The following PSMA5 variants were observed in gnomAD, a reference collection of about 807,000 sequenced individuals.
PSMA5 encodes the protein proteasome subunit alpha type-5.
In PSMA5, 3 loss-of-function variants were observed where a neutral mutation model predicts 34.5. The ratio of observed to expected loss-of-function variants is 0.09; its 90% CI spans 0.04 to 0.22. The LOEUF is 0.22. Ranked by LOEUF, PSMA5 falls within the 10% of genes least tolerant of loss-of-function variation. PSMA5 has a pLI of 1.00. For synonymous variants in PSMA5, 88 were observed against 95.8 expected (o/e 0.92, Z 0.47); for missense variants, 120 against 286.1 (o/e 0.42, Z 4.19).
chr1:109,407,013 C>G (rs1159850907), intron 8 of PSMA5, among the ~76,000 whole-genome samples: 2 of 152,128 alleles, frequency 1.3e-5, no homozygotes, highest in East Asian at 3.9e-4. Context: ...GAGACAGTCT[C>G]GCTCTGTCGC....
chr1:109,402,183 T>G (rs529506429), intron 8 of PSMA5, 93 bp from the exon 9 acceptor site: 1 of 878,846 alleles, frequency 1.1e-6, no homozygotes, highest in Non-Finnish European at 1.8e-6. Context: ...GTGATGCAGC[T>G]ATTCATTAGG....
intron 2 of PSMA5, among the ~76,000 whole-genome samples, chr1:109,417,181 GC>G (rs1654242313): frequency 6.6e-6 from 1 of 152,136 alleles, no homozygotes; most frequent in South Asian, 2.1e-4. Flanking sequence ...TTAGTTCCAC[GC>G]CTTCCTTAAG....
At chr1:109,409,164 A>G (rs1419080029) in intron 8 of PSMA5, among the ~76,000 whole-genome samples, 2 of 151,464 alleles carry the variant, frequency 1.3e-5, no homozygotes, top group Non-Finnish European at 2.9e-5. Context: ...CATTCTTTTT[A>G]TTTTATTTTT....
chr1:109,411,159 C>G, intron 6 of PSMA5, 46 bp from the exon 7 acceptor site: 1 of 1,380,286 alleles, frequency 7.2e-7, no homozygotes. Context: ...GGAGTGGTGG[C>G]ACTTTATGTA....
rs1654658980 is a variant in PSMA5 at position 109,426,332 on chromosome 1, G to A, written c.-2C>T. On this transcript the variant is annotated 5_prime_UTR_variant, in exon 1 of 9. Coordinates refer to ENST00000271308, the MANE Select transcript of PSMA5 (RefSeq NM_002790.4). The stretch of plus-strand genomic sequence containing the variant: ...GTACTCAGACCGGGTAAGAAACATG[G>A]CGAGGGTAGGAGGAGGCAGCGGCTA... 32 of 1,614,026 alleles carry A rather than the reference G, an allele frequency of 2.0e-5. No individual in the cohort carries two copies. The highest frequency in any genetic ancestry group is 2.6e-5 in the Non-Finnish European group (31 of 1,180,028).
chr1:109,416,774 T>C (rs1654218079), intron 2 of PSMA5, among the ~76,000 whole-genome samples: 1 of 152,224 alleles, frequency 6.6e-6, no homozygotes, highest in Non-Finnish European at 1.5e-5. Flanking sequence ...CCTGCATAAC[T>C]ACAGGAGATG....
At chr1:109,403,994 A>G (rs768719742) in intron 8 of PSMA5, among the ~76,000 whole-genome samples, 31 of 152,236 alleles carry the variant, frequency 2.0e-4, no homozygotes, top group Non-Finnish European at 2.9e-4. Context: ...CATGAGTTCC[A>G]TTCCAAGGAT....
intron 8 of PSMA5, among the ~76,000 whole-genome samples, chr1:109,403,251 G>A (rs1201848267): frequency 6.6e-6 from 1 of 152,130 alleles, no homozygotes; most frequent in Non-Finnish European, 1.5e-5. Context: ...TGAGCAATAG[G>A]TGCCACTTCA....
In PSMA5 at chr1:109,415,106, T is replaced by C. The variant is rs531288336; in HGVS notation, c.223+131A>G. On this transcript the variant is annotated intron_variant, in intron 3 of 8. Coordinates refer to ENST00000271308, the MANE Select transcript of PSMA5 (RefSeq NM_002790.4). ...CTCCTACTCCTACATTTACGCATTCTGGCCTACTGCCTGGAAAATAATAGC... is the reference window on the plus strand; with the variant it reads ...CTCCTACTCCTACATTTACGCATTCCGGCCTACTGCCTGGAAAATAATAGC... 47 of 1,139,538 alleles carry C rather than the reference T, an allele frequency of 4.1e-5. No individual in the cohort carries two copies. In the African/African-American group the frequency reaches 6.3e-4, roughly 15 times the overall value. The allele number at this position is 1,139,538 out of a possible 1,614,324, so 70.6% of individuals were successfully genotyped here. A position where few individuals can be genotyped will look rare whatever the true frequency, so the allele number is the denominator to read the frequency against.
chr1:109,419,112 C>T (rs954633593), intron 2 of PSMA5, among the ~76,000 whole-genome samples: 13 of 152,122 alleles, frequency 8.5e-5, no homozygotes, highest in African/African-American at 3.1e-4. Flanking sequence ...GAGATCACGC[C>T]ATTGCACTCC....
intron 1 of PSMA5, among the ~76,000 whole-genome samples, chr1:109,423,164 C>T (rs983719157): frequency 9.2e-5 from 14 of 152,202 alleles, no homozygotes; most frequent in Admixed American, 7.9e-4. Flanking sequence ...TTTGGCCTGG[C>T]GTGGTGGCTC....
At chr1:109,421,214 T>C (rs1400663816) in intron 2 of PSMA5, among the ~76,000 whole-genome samples, 1 of 151,908 alleles carries the variant, frequency 6.6e-6, no homozygotes, top group Non-Finnish European at 1.5e-5. Context: ...AAATCTCTTA[T>C]TTAGTCCCTA....
chr1:109,423,464 C>A (rs1654527761), intron 1 of PSMA5, among the ~76,000 whole-genome samples: 1 of 152,208 alleles, frequency 6.6e-6, no homozygotes, highest in South Asian at 2.1e-4. Context: ...CCAGTTTCAC[C>A]TCTTTCCTAA....
chr1:109,412,454 T>G, intron 4 of PSMA5: 1 of 347,302 alleles, frequency 2.9e-6, no homozygotes, highest in Non-Finnish European at 5.3e-6. Flanking sequence ...CCAAGTTTAC[T>G]CTTTCAAAAA....
At chr1:109,417,923 C>T (rs1342488159) in intron 2 of PSMA5, among the ~76,000 whole-genome samples, 9 of 152,130 alleles carry the variant, frequency 5.9e-5, no homozygotes, top group African/African-American at 1.9e-4. Context: ...TGCTCTGTTT[C>T]ACTTAAAAAA....
In PSMA5 at chr1:109,400,347, T is replaced by C. The variant is rs1653460978; in HGVS notation, c.*1666A>G. 6.6e-6 allele frequency: 1 copy of C among 152,232 alleles called. No homozygotes were observed. Among genetic ancestry groups the C allele is most frequent in the African/African-American group, 2.4e-5 (1 of 41,454 alleles). The allele number at this position is 152,232 out of a possible 1,614,324, so 9.4% of individuals were successfully genotyped here. A position where few individuals can be genotyped will look rare whatever the true frequency, so the allele number is the denominator to read the frequency against. The stretch of plus-strand genomic sequence containing the variant: ...TTGTTTATTGTTTGGCTCTCCCCAC[T>C]AGAAGTTTCACAGGAGCACAGATCA... On this transcript the variant is annotated 3_prime_UTR_variant, in exon 9 of 9. Transcript: ENST00000271308.
chr1:109,402,558 T>C (rs151227629), intron 8 of PSMA5, among the ~76,000 whole-genome samples: 1 of 152,380 alleles, frequency 6.6e-6, no homozygotes, highest in East Asian at 1.9e-4. Flanking sequence ...GAATAGCTAA[T>C]TCATAGAGTA....
chr1:109,418,405 T>G (rs1300982659), intron 2 of PSMA5, among the ~76,000 whole-genome samples: 1 of 151,878 alleles, frequency 6.6e-6, no homozygotes, highest in African/African-American at 2.4e-5. Context: ...AGCCCCAACC[T>G]CCCAGGCTCA....
intron 1 of PSMA5, among the ~76,000 whole-genome samples, chr1:109,423,183 A>T (rs1049538863): frequency 6.6e-6 from 1 of 152,244 alleles, no homozygotes; most frequent in Non-Finnish European, 1.5e-5. Flanking sequence ...TCACGCCTGT[A>T]ATCCCAGCAC....
Sources: gnomAD v4.1 joint callset for allele counts (sites outside exome capture counted in the v4.1 genomes callset) on GRCh38, gnomAD v4.1.1 for gene constraint, MANE v1.5 for transcripts, NCBI Gene and HGNC (gene_info 2026-07-23, HGNC 2026-07-21) for gene names.